LBHD1: variants seen among roughly 807,000 people sequenced by gnomAD.
LBHD1 encodes LBH domain-containing protein 1.
Under a neutral mutation model 31.1 loss-of-function variants are expected in LBHD1, and 28 were observed. That is an observed-to-expected ratio of 0.90 (90% CI 0.67 to 1.24). The LOEUF is 1.24. LBHD1 is among the 50% of genes most tolerant of loss of function. The pLI, the probability that LBHD1 is intolerant of heterozygous loss-of-function variation, is 0.00. For missense variants in LBHD1, 350 were observed against 323.0 expected (o/e 1.08, Z -0.64); for synonymous variants, 105 against 116.5 (o/e 0.90, Z 0.63).
chr11:62,666,328 A>G (rs1206529033), intron 4 of LBHD1: 1 of 1,473,620 alleles, frequency 6.8e-7, no homozygotes, highest in South Asian at 1.1e-5. Flanking sequence ...AAAAGACGCC[A>G]GTGTGTATAT....
At chr11:62,663,386 TCACA>T in intron 5 of LBHD1, 53 bp from the exon 6 acceptor site, 1 of 1,556,270 alleles carries the variant, frequency 6.4e-7, no homozygotes, top group Non-Finnish European at 8.8e-7. Context: ...CCAACTGAGG[TCACA>T]CAAATAGTTC....
intron 4 of LBHD1, 39 bp downstream of exon 4, chr11:62,667,484 C>G (rs1281351799): frequency 1.3e-6 from 2 of 1,598,700 alleles, no homozygotes; most frequent in Non-Finnish European, 1.7e-6. Flanking sequence ...GCTTCATAAA[C>G]CTGGATGAGA....
At position 62,669,620 on chromosome 11, in the gene LBHD1, TG is replaced by T. The variant is rs1944902009; in HGVS notation, c.313+20del. 1 of 1,602,886 alleles carries T rather than the reference TG, an allele frequency of 6.2e-7. No homozygotes were observed. The highest frequency in any genetic ancestry group is 8.5e-7 in the Non-Finnish European group (1 of 1,174,518). ...GAACATTCAGCTCACAGTGGCCCCC[TG>T]AATGAGCCACCTCCCTCACCTGGCT... On this transcript the variant is annotated intron_variant, in intron 3 of 6. Transcript: ENST00000354588.
chr11:62,667,399 TA>T, intron 4 of LBHD1, 123 bp downstream of exon 4: 1 of 969,086 alleles, frequency 1.0e-6, no homozygotes, highest in Non-Finnish European at 1.6e-6. Context: ...CTGACTTGTA[TA>T]ATCTAGTGGC....
intron 4 of LBHD1, chr11:62,666,564 T>A (rs562774549): frequency 1.1e-5 from 17 of 1,613,996 alleles, no homozygotes; most frequent in Non-Finnish European, 1.4e-5. Context: ...CCTCTGCGAG[T>A]GCTGGATGTG....
intron 4 of LBHD1, 179 bp from the exon 5 acceptor site, chr11:62,665,152 TC>T (rs1565125738): frequency 5.2e-6 from 5 of 952,528 alleles, no homozygotes; most frequent in African/African-American, 3.2e-5. Flanking sequence ...GGTTGATCTT[TC>T]CCCCCGGAGC....
intron 5 of LBHD1, among the ~76,000 whole-genome samples, chr11:62,664,083 A>AG (rs1944726365): frequency 1.4e-5 from 1 of 70,980 alleles, no homozygotes; most frequent in African/African-American, 4.7e-5. Flanking sequence ...AAAAAAGAGG[A>AG]AAAAAAAAAA....
intron 1 of LBHD1, 25 bp from the exon 2 acceptor site, chr11:62,670,066 CAGAGG>C (rs1245461124): frequency 6.3e-7 from 1 of 1,581,794 alleles, no homozygotes; most frequent in Non-Finnish European, 8.6e-7. Flanking sequence ...TGATTGAACT[CAGAGG>C]AGAGTACTGC....
chr11:62,665,348 G>T, intron 4 of LBHD1: 1 of 816,364 alleles, frequency 1.2e-6, no homozygotes, highest in Non-Finnish European at 2.0e-6. Context: ...TGTGGTTTTA[G>T]CTGTAGTAGC....
chr11:62,666,953 C>T (rs1409144943), intron 4 of LBHD1: 11 of 1,614,074 alleles, frequency 6.8e-6, no homozygotes, highest in Non-Finnish European at 9.3e-6. Context: ...ACTGCCCTGC[C>T]TGGAACAAGG....
chr11:62,665,376 AGTG>A (rs768047083), intron 4 of LBHD1: 1 of 1,044,284 alleles, frequency 9.6e-7, no homozygotes, highest in South Asian at 1.4e-5. Flanking sequence ...GGCGGCCGGG[AGTG>A]GTGGGGGTGC....
In LBHD1 at chr11:62,662,943, G is replaced by T; in HGVS notation, c.*186C>A. 1 of 838,294 alleles carries T rather than the reference G, an allele frequency of 1.2e-6. No individual in the cohort carries two copies. The highest frequency in any genetic ancestry group is 1.8e-6 in the Non-Finnish European group (1 of 541,756). The allele number at this position is 838,294 out of a possible 1,614,324, so 51.9% of individuals were successfully genotyped here. The stretch of plus-strand genomic sequence containing the variant: ...GGGAGGTCAGTAGGCCATTAGGTAG[G>T]AGGAAATCTGGAGAGTGAAAAGGGG... On this transcript the variant is annotated 3_prime_UTR_variant, in exon 7 of 7. Transcript: ENST00000354588.
intron 4 of LBHD1, 72 bp downstream of exon 4, chr11:62,667,451 T>C (rs971213504): frequency 4.1e-6 from 6 of 1,480,126 alleles, no homozygotes; most frequent in Non-Finnish European, 4.7e-6. Context: ...TAAAAGGAGA[T>C]TGTAAGAGGA....
In LBHD1 at chr11:62,669,790, T is replaced by A; in HGVS notation, c.164A>T (p.Lys55Met). ...CACCACAATAGACGGCAGATGGGACTTTTGAGAGAAATCCTGAATAGGGAC... is the reference window on the plus strand; with the variant it reads ...CACCACAATAGACGGCAGATGGGACATTTGAGAGAAATCCTGAATAGGGAC... The part of the protein sequence containing the change: ...GHQHIQDFSQ[K>M]SHLPSIVVES... The change falls in exon 3 of 7, where the codon AAG becomes ATG. Residue 55 changes from lysine to methionine, a missense_variant. Lys to Met is a moderately conservative substitution (Grantham distance 95, BLOSUM62 -1). Transcript: ENST00000354588. 6.2e-7 allele frequency: 1 copy of A among 1,614,140 alleles called. No individual in the cohort carries two copies. Among genetic ancestry groups the A allele is most frequent in the Non-Finnish European group, 8.5e-7 (1 of 1,180,002 alleles).
intron 1 of LBHD1, 163 bp downstream of exon 1, chr11:62,671,401 A>C (rs1444545402): frequency 7.9e-7 from 1 of 1,264,088 alleles, no homozygotes; most frequent in Non-Finnish European, 1.0e-6. Flanking sequence ...ACTGATCGGG[A>C]AACGTCGGAA....
chr11:62,671,655 T>C lies in LBHD1; in HGVS notation c.-102A>G. 6.4e-7 allele frequency: 1 copy of C among 1,564,342 alleles called. No homozygotes were observed. Among genetic ancestry groups the C allele is most frequent in the South Asian group, 1.2e-5 (1 of 86,328 alleles). On this transcript the variant is annotated 5_prime_UTR_variant, in exon 1 of 7. Coordinates refer to ENST00000354588, the MANE Select transcript of LBHD1 (RefSeq NM_024099.5). ...CTATGGTTTCTGCTATAGGGCGCTC[T>C]AGCCTGCGCCAAGGGGTAGTGAGAC...
chr11:62,667,720 C>G lies in LBHD1; in HGVS notation c.341G>C (p.Arg114Thr), dbSNP rs267603077. 2 of 1,611,886 alleles carry G rather than the reference C, an allele frequency of 1.2e-6. No individual in the cohort carries two copies. The highest frequency in any genetic ancestry group is 2.7e-5 in the African/African-American group (2 of 74,892). Residue 114 changes from arginine to threonine, a missense_variant, in exon 4 of 7, where the codon AGA becomes ACA. Arg to Thr is a moderately conservative substitution (Grantham distance 71). Coordinates refer to ENST00000354588, the MANE Select transcript of LBHD1 (RefSeq NM_024099.5). Reference sequence around the variant, plus strand: ...AGCGTTAAATGTTCTTAAAGGACTTCTAGGGTCCTGTGGGCTCCAAGCCCA... The same window carrying G: ...AGCGTTAAATGTTCTTAAAGGACTTGTAGGGTCCTGTGGGCTCCAAGCCCA... Reference protein sequence around the residue: ...PGWAWSPQDPRSPLRTFNAGL... With the variant: ...PGWAWSPQDPTSPLRTFNAGL...
At chr11:62,667,415 C>G (rs1259125464) in intron 4 of LBHD1, 108 bp downstream of exon 4, 1 of 1,160,106 alleles carries the variant, frequency 8.6e-7, no homozygotes, top group Admixed American at 1.9e-5. Context: ...AGTGGCCTAA[C>G]CTGTAAGCCT....
At chr11:62,664,323 ATTC>A (rs1354430759) in intron 5 of LBHD1, among the ~76,000 whole-genome samples, 4 of 124,034 alleles carry the variant, frequency 3.2e-5, no homozygotes, top group African/African-American at 1.2e-4. Context: ...ATTTCCTGAT[ATTC>A]TTTTTTTTTT....
Sources: allele counts gnomAD v4.1 joint callset (sites outside exome capture counted in the v4.1 genomes callset), GRCh38; gene constraint gnomAD v4.1.1; transcripts MANE v1.5; gene names NCBI Gene and HGNC (gene_info 2026-07-23, HGNC 2026-07-21).